MAML2: variants seen among roughly 807,000 people sequenced by gnomAD.
MAML2 encodes the protein mastermind like transcriptional coactivator 2.
In MAML2, 22 loss-of-function variants were observed where a neutral mutation model predicts 96.1. The observed-to-expected ratio is 0.23, with a 90% CI of 0.16 to 0.33. The LOEUF (loss-of-function observed/expected upper bound fraction) is 0.33. Among genes scored for constraint, MAML2 ranks in the 10% least tolerant of loss-of-function variants. The pLI, the probability that MAML2 is intolerant of heterozygous loss-of-function variation, is 1.00. For missense variants in MAML2, 1,367 were observed against 1,392.4 expected (o/e 0.98, Z 0.29); for synonymous variants, 561 against 521.3 (o/e 1.08, Z -1.04).
chr11:96,165,179 T>C (rs953448816), intron 1 of MAML2, among the ~76,000 whole-genome samples: 2 of 152,256 alleles, frequency 1.3e-5, no homozygotes, highest in African/African-American at 2.4e-5. Flanking sequence ...TGTGTTTTTT[T>C]CCCTACACGT....
Position 96,240,557 on chromosome 11 carries a change from C to CAACAAAA in MAML2, c.513+100825_513+100826insTTTTGTT, listed in dbSNP as rs568304250. On this transcript the variant is annotated intron_variant, in intron 1 of 4. Transcript: ENST00000524717. Reference sequence around the variant, plus strand: ...TGGGCGACAGAGCGAGACTCCGTCTCAAAAAAAAAAAAAAAAAAAAAAAAA... The same window carrying CAACAAAA: ...TGGGCGACAGAGCGAGACTCCGTCTCAACAAAAAAAAAAAAAAAAAAAAAAAAAAAAA... Among the ~76,000 whole-genome samples, 24 of 51,094 alleles carry CAACAAAA rather than the reference C, an allele frequency of 4.7e-4. 3 individuals carry two copies. The highest frequency in any genetic ancestry group is 1.0e-3 in the South Asian group (1 of 958). 33.5% of individuals were successfully genotyped at this position (51,094 alleles called of 152,430 possible). A position where few individuals can be genotyped will look rare whatever the true frequency, so the allele number is the denominator to read the frequency against.
At chr11:96,139,791 A>G (rs1034040237) in intron 1 of MAML2, among the ~76,000 whole-genome samples, 6 of 152,154 alleles carry the variant, frequency 3.9e-5, no homozygotes, top group Admixed American at 2.6e-4. Flanking sequence ...GGCAAAGACC[A>G]AAATAATACA....
chr11:96,112,788 A>G lies in MAML2; in HGVS notation c.514-19271T>C, dbSNP rs149809887. 1.3e-3 allele frequency among the ~76,000 whole-genome samples: 193 copies of G among 152,350 alleles called. 3 individuals carry two copies. In the East Asian group the frequency reaches 0.028, roughly 22 times the overall value. ...ATAACTGATAATACAGGCTTGATTG[A>G]CTCATTACTTTTTGTGATATAAGGA... is the stretch of plus-strand genomic sequence containing the variant. On this transcript the variant is annotated intron_variant, in intron 1 of 4. Transcript: ENST00000524717.
intron 1 of MAML2, among the ~76,000 whole-genome samples, chr11:96,309,631 G>A (rs993670330): frequency 1.3e-5 from 2 of 152,036 alleles, no homozygotes; most frequent in Admixed American, 1.3e-4. Flanking sequence ...GTTAATAAAT[G>A]GTAGAGCTTG....
intron 1 of MAML2, among the ~76,000 whole-genome samples, chr11:96,159,082 A>C (rs1286643850): frequency 1.3e-5 from 2 of 152,236 alleles, no homozygotes; most frequent in Non-Finnish European, 2.9e-5. Flanking sequence ...ATTTTCATAA[A>C]GACAAGTTGT....
At chr11:96,058,115 T>G (rs987345079) in intron 2 of MAML2, among the ~76,000 whole-genome samples, 1 of 152,168 alleles carries the variant, frequency 6.6e-6, no homozygotes, top group Admixed American at 6.5e-5. Flanking sequence ...ATGAGTAGAT[T>G]TGGGGACCAA....
intron 1 of MAML2, among the ~76,000 whole-genome samples, chr11:96,251,189 T>C (rs968101621): frequency 3.9e-5 from 6 of 152,230 alleles, no homozygotes; most frequent in Non-Finnish European, 8.8e-5. Flanking sequence ...GTGAAAATCA[T>C]GTCCCGCAAA....
chr11:96,320,364 C>A (rs755073530), intron 1 of MAML2, among the ~76,000 whole-genome samples: 25 of 152,214 alleles, frequency 1.6e-4, no homozygotes, highest in Non-Finnish European at 3.2e-4. Flanking sequence ...CAAAGCAACT[C>A]TGCTCAGCTG....
At chr11:96,167,183 T>C (rs1293208292) in intron 1 of MAML2, among the ~76,000 whole-genome samples, 1 of 152,212 alleles carries the variant, frequency 6.6e-6, no homozygotes, top group East Asian at 1.9e-4. Context: ...CCATTTGTGT[T>C]AGAAAATAAA....
At chr11:96,050,829 C>T (rs1029955248) in intron 2 of MAML2, among the ~76,000 whole-genome samples, 1 of 152,182 alleles carries the variant, frequency 6.6e-6, no homozygotes, top group Non-Finnish European at 1.5e-5. Flanking sequence ...TAAGTAAAGG[C>T]AATTCCTTCA....
chr11:96,119,582 G>A (rs373052403), intron 1 of MAML2, among the ~76,000 whole-genome samples: 1 of 152,150 alleles, frequency 6.6e-6, no homozygotes, highest in South Asian at 2.1e-4. Flanking sequence ...ATTTGTTATG[G>A]CAACAATAGG....
chr11:95,983,242 G>C (rs684255), intron 4 of MAML2, among the ~76,000 whole-genome samples: 6,455 of 151,666 alleles, frequency 0.043, 184 homozygotes, highest in Middle Eastern at 0.082. Context: ...ATGTGTGTTT[G>C]TGTGTGTTTG....
intron 1 of MAML2, among the ~76,000 whole-genome samples, chr11:96,181,086 G>A (rs1591058865): frequency 6.6e-6 from 1 of 152,270 alleles, no homozygotes; most frequent in African/African-American, 2.4e-5. Context: ...CTTTTGTGGT[G>A]TAATATCATC....
chr11:96,202,492 A>G (rs1374724097), intron 1 of MAML2, among the ~76,000 whole-genome samples: 1 of 152,244 alleles, frequency 6.6e-6, no homozygotes, highest in Non-Finnish European at 1.5e-5. Flanking sequence ...TTGCTTCAAT[A>G]TAATTCTTCA....
intron 1 of MAML2, among the ~76,000 whole-genome samples, chr11:96,150,601 G>A (rs558656250): frequency 6.6e-6 from 1 of 152,230 alleles, no homozygotes; most frequent in South Asian, 2.1e-4. Flanking sequence ...GTTAGGGCAG[G>A]GACATGCTCA....
At chr11:96,215,270 G>T (rs1766211773) in intron 1 of MAML2, among the ~76,000 whole-genome samples, 1 of 152,186 alleles carries the variant, frequency 6.6e-6, no homozygotes, top group Admixed American at 6.5e-5. Context: ...GCTGGGGCAG[G>T]TTGCTGGGTT....
At chr11:96,082,545 G>A (rs1216042218) in intron 2 of MAML2, among the ~76,000 whole-genome samples, 1 of 152,164 alleles carries the variant, frequency 6.6e-6, no homozygotes, top group Non-Finnish European at 1.5e-5. Flanking sequence ...AGGGCAAAAG[G>A]CATTCATAGG....
At chr11:96,150,853 G>A (rs511141) in intron 1 of MAML2, among the ~76,000 whole-genome samples, 57,152 of 151,826 alleles carry the variant, frequency 0.38, 11,861 homozygotes, top group East Asian at 0.85. Flanking sequence ...TCCCATTACA[G>A]CATTTTTCTG....
At chr11:96,100,955 AG>A (rs932164352) in intron 1 of MAML2, among the ~76,000 whole-genome samples, 2 of 151,914 alleles carry the variant, frequency 1.3e-5, no homozygotes, top group African/African-American at 4.8e-5. Flanking sequence ...TATGTTGCCC[AG>A]GGTAGTCTGG....
Sources: gnomAD v4.1 joint callset for allele counts (sites outside exome capture counted in the v4.1 genomes callset) on GRCh38, gnomAD v4.1.1 for gene constraint, MANE v1.5 for transcripts, NCBI Gene and HGNC (gene_info 2026-07-23, HGNC 2026-07-21) for gene names.